The following NIPA2 variants were observed in gnomAD, a reference collection of about 807,000 sequenced individuals.
NIPA2 encodes NIPA magnesium transporter 2, also known as magnesium transporter NIPA2.
NIPA2 carries 11 observed loss-of-function variants against 29.7 expected under a neutral mutation model. The observed-to-expected ratio is 0.37, with a 90% CI of 0.23 to 0.61. The LOEUF (loss-of-function observed/expected upper bound fraction) is 0.61. NIPA2 is among the 20% of genes least tolerant of loss of function. The probability of loss-of-function intolerance (pLI) is 0.66; values close to 1 mark genes in which losing one functional copy is unlikely to be tolerated. For synonymous variants in NIPA2, 183 were observed against 161.9 expected (o/e 1.13, Z -0.99); for missense variants, 426 against 437.9 (o/e 0.97, Z 0.24).
intron 3 of NIPA2, among the ~76,000 whole-genome samples, chr15:22,851,079 C>T (rs1057112184): frequency 2.0e-5 from 3 of 152,140 alleles, no homozygotes; most frequent in Non-Finnish European, 4.4e-5. Flanking sequence ...CCACCGGTAC[C>T]ATACTGCACG....
At chr15:22,857,623 G>C (rs1459044340) in intron 5 of NIPA2, among the ~76,000 whole-genome samples, 1 of 151,546 alleles carries the variant, frequency 6.6e-6, no homozygotes, top group South Asian at 2.1e-4. Flanking sequence ...GATCATTTGA[G>C]GTCAGGAGTT....
chr15:22,865,019 G>A (rs967157844), intron 7 of NIPA2, among the ~76,000 whole-genome samples: 1 of 151,764 alleles, frequency 6.6e-6, no homozygotes, highest in East Asian at 2.0e-4. Context: ...CTGCCACCAC[G>A]CCTGGCTAAT....
rs908868436 is a variant in NIPA2 at position 22,867,900 on chromosome 15, G to A, written c.*1053G>A. 9 of 152,192 alleles carry A rather than the reference G, an allele frequency of 5.9e-5. No homozygotes were observed. Among genetic ancestry groups the A allele is most frequent in the Non-Finnish European group, 1.0e-4 (7 of 68,030 alleles). 9.4% of individuals were successfully genotyped at this position (152,192 alleles called of 1,614,324 possible). ...ACTGCAAACATATGCAGAAAAGGTA[G>A]AATAATAAAAAAGGTCTAATGAACT... On this transcript the variant is annotated 3_prime_UTR_variant, in exon 8 of 8. Coordinates refer to ENST00000337451, the MANE Select transcript of NIPA2 (RefSeq NM_030922.7).
chr15:22,858,668 A>G (rs1390372248), intron 6 of NIPA2, 38 bp downstream of exon 6: 4 of 1,268,842 alleles, frequency 3.2e-6, no homozygotes, highest in East Asian at 2.5e-5. Context: ...AGTAGTCGGT[A>G]TCTTAGTTTC....
intron 3 of NIPA2, among the ~76,000 whole-genome samples, chr15:22,848,430 G>A (rs868503049): frequency 6.6e-6 from 1 of 152,048 alleles, no homozygotes. Flanking sequence ...GCATAACTAT[G>A]TTGCCCAGGC....
At chr15:22,858,823 A>G (rs2058399009) in intron 6 of NIPA2, among the ~76,000 whole-genome samples, 193 bp downstream of exon 6, 1 of 152,194 alleles carries the variant, frequency 6.6e-6, no homozygotes, top group Non-Finnish European at 1.5e-5. Context: ...TGTGGGAGAA[A>G]ATGCTTTGTC....
At chr15:22,840,075 C>T (rs1391962376) in intron 2 of NIPA2, among the ~76,000 whole-genome samples, 1 of 152,048 alleles carries the variant, frequency 6.6e-6, no homozygotes, top group Non-Finnish European at 1.5e-5. Flanking sequence ...CGTGCGGCAC[C>T]ATGCCTGGCT....
chr15:22,858,491 G>C (rs1002658989), intron 5 of NIPA2, 49 bp from the exon 6 acceptor site: 5 of 1,179,016 alleles, frequency 4.2e-6, no homozygotes, highest in African/African-American at 1.5e-5. Flanking sequence ...TTTCCAAGTT[G>C]AGTACATACA....
intron 5 of NIPA2, among the ~76,000 whole-genome samples, chr15:22,856,624 A>G (rs2058197129): frequency 6.6e-6 from 1 of 152,338 alleles, no homozygotes; most frequent in African/African-American, 2.4e-5. Flanking sequence ...TTAACCAATA[A>G]AAGATTTACA....
In NIPA2 at chr15:22,866,843, T is replaced by G; in HGVS notation, c.1079T>G (p.Phe360Cys). The change falls in exon 8 of 8, where the codon TTT becomes TGT. Residue 360 changes from phenylalanine to cysteine, a missense_variant. Physicochemically the swap from Phe to Cys is radical, Grantham distance 205. Coordinates refer to ENST00000337451, the MANE Select transcript of NIPA2 (RefSeq NM_030922.7). ...VSRRNGNLTA[F>C] ...CGAAGAAATGGAAATCTGACAGCTTTTTAAGAAAGGTGTAATTAAAGGTTA... is the reference window on the plus strand; with the variant it reads ...CGAAGAAATGGAAATCTGACAGCTTGTTAAGAAAGGTGTAATTAAAGGTTA... 1 of 1,581,196 alleles carries G rather than the reference T, an allele frequency of 6.3e-7. No homozygotes were observed. Among genetic ancestry groups the G allele is most frequent in the Non-Finnish European group, 8.6e-7 (1 of 1,163,028 alleles).
intron 5 of NIPA2, among the ~76,000 whole-genome samples, chr15:22,856,324 A>C (rs1023371373): frequency 2.0e-5 from 3 of 152,178 alleles, no homozygotes; most frequent in Non-Finnish European, 4.4e-5. Context: ...TAATTTCTAG[A>C]GTATTCAGTT....
At chr15:22,859,290 CTTTTTTT>C (rs60644942) in intron 6 of NIPA2, among the ~76,000 whole-genome samples, 1 of 97,342 alleles carries the variant, frequency 1.0e-5, no homozygotes, top group Admixed American at 1.3e-4. Flanking sequence ...ATTTCTTTTT[CTTTTTTT>C]TTTTTTTTTT....
In NIPA2 at chr15:22,861,710, G is replaced by A. The variant is rs543698363; in HGVS notation, c.448+921G>A. ...TTCCCACTGACATGCCTAGAGATGG[G>A]TCCATTTTTGTCCATTGTGCTGGGT... is the stretch of plus-strand genomic sequence containing the variant. On this transcript the variant is annotated intron_variant, in intron 7 of 7. Coordinates refer to ENST00000337451, the MANE Select transcript of NIPA2 (RefSeq NM_030922.7). Among the ~76,000 whole-genome samples, 14 of 152,106 alleles carry A rather than the reference G, an allele frequency of 9.2e-5. No homozygotes were observed. In the East Asian group the frequency reaches 2.7e-3, roughly 29 times the overall value.
At chr15:22,843,099 CAG>C (rs141874925) in intron 2 of NIPA2, among the ~76,000 whole-genome samples, 3,577 of 152,030 alleles carry the variant, frequency 0.024, 142 homozygotes, top group African/African-American at 0.08. Context: ...TTGCTACAAA[CAG>C]GGGTCGTGAT....
Position 22,858,640 on chromosome 15 carries a change from C to T in NIPA2, c.287+10C>T, listed in dbSNP as rs367727652. The T allele has an allele frequency of 2.0e-5, 30 of 1,530,010 alleles. No individual in the cohort carries two copies. Among genetic ancestry groups the T allele is most frequent in the Middle Eastern group, 3.4e-4 (2 of 5,828 alleles). The allele number at this position is 1,530,010 out of a possible 1,614,324, so 94.8% of individuals were successfully genotyped here. A position where few individuals can be genotyped will look rare whatever the true frequency, so the allele number is the denominator to read the frequency against. On this transcript the variant is annotated intron_variant, in intron 6 of 7. Coordinates refer to ENST00000337451, the MANE Select transcript of NIPA2 (RefSeq NM_030922.7). ...TCAGCGTGCTAGTAAGGTAAGGACACGTTTTTCATGTAGAAACAGTAGTCG... is the reference window on the plus strand; with the variant it reads ...TCAGCGTGCTAGTAAGGTAAGGACATGTTTTTCATGTAGAAACAGTAGTCG...
rs2057939654 is a variant in NIPA2 at position 22,853,530 on chromosome 15, ACGC to A, written c.196+264_196+266del. ...TTGGGATTACAGGCGTGCCACCACCACGCCCAGCTAATTTTTTGTATTTTTAGT... is the reference window on the plus strand; with the variant it reads ...TTGGGATTACAGGCGTGCCACCACCACCAGCTAATTTTTTGTATTTTTAGT... On this transcript the variant is annotated intron_variant, in intron 5 of 7. Transcript: ENST00000337451. Among the ~76,000 whole-genome samples, 3 of 151,446 alleles carry A rather than the reference ACGC, an allele frequency of 2.0e-5. No homozygotes were observed. The East Asian group carries it at 5.9e-4, about 30-fold the overall frequency.
intron 3 of NIPA2, among the ~76,000 whole-genome samples, chr15:22,849,980 C>T (rs1460804841): frequency 2.0e-5 from 3 of 151,980 alleles, no homozygotes; most frequent in Admixed American, 6.6e-5. Context: ...ATTTTAAAAA[C>T]GTTAATATGG....
chr15:22,849,599 G>A (rs1355709052), intron 3 of NIPA2, among the ~76,000 whole-genome samples: 3 of 148,646 alleles, frequency 2.0e-5, no homozygotes, highest in African/African-American at 5.0e-5. Context: ...TCGCTCTGTC[G>A]CCCAGGCTGG....
In NIPA2 at chr15:22,851,841, G is replaced by A. The variant is rs549611909; in HGVS notation, c.110G>A (p.Arg37Gln). The A allele has an allele frequency of 8.7e-6, 14 of 1,613,662 alleles. No individual in the cohort carries two copies. The Admixed American group carries it at 1.0e-4, about 12-fold the overall frequency. ...ATTTTGAAAAAAAAGGGCCTCCTTC[G>A]ACTTGCCAGGAAAGGCTCTATGAGA... ...SFILKKKGLL[R>Q]LARKGSMRAG... is the part of the protein sequence containing the mutation. The change falls in exon 4 of 8, where the codon CGA becomes CAA. Residue 37 changes from arginine (R) to glutamine (Q), a missense_variant. Transcript: ENST00000337451.
Sources: gnomAD v4.1 joint callset for allele counts (sites outside exome capture counted in the v4.1 genomes callset) on GRCh38, gnomAD v4.1.1 for gene constraint, MANE v1.5 for transcripts, NCBI Gene and HGNC (gene_info 2026-07-23, HGNC 2026-07-21) for gene names.